The following CAMK1D variants were observed in gnomAD, a reference collection of about 807,000 sequenced individuals.
CAMK1D encodes the protein calcium/calmodulin dependent protein kinase ID.
In CAMK1D, 9 loss-of-function variants were observed where a neutral mutation model predicts 47.7. That is an observed-to-expected ratio of 0.19 (90% CI 0.11 to 0.33). CAMK1D has a LOEUF of 0.33. Among genes scored for constraint, CAMK1D ranks in the 10% least tolerant of loss-of-function variants. The pLI, the probability that CAMK1D is intolerant of heterozygous loss-of-function variation, is 1.00. For synonymous variants in CAMK1D, 184 were observed against 184.9 expected, an observed-to-expected ratio of 0.99 and a Z score of 0.04; for missense variants, 291 against 488.7, an observed-to-expected ratio of 0.60 and a Z score of 3.81.
intron 2 of CAMK1D, among the ~76,000 whole-genome samples, chr10:12,556,181 T>G (rs1836755699): frequency 6.6e-6 from 1 of 151,850 alleles, no homozygotes; most frequent in South Asian, 2.1e-4. Context: ...ACATATGGAG[T>G]AAGAGGCAGT....
At chr10:12,733,414 T>C (rs529533324) in intron 3 of CAMK1D, among the ~76,000 whole-genome samples, 1 of 152,358 alleles carries the variant, frequency 6.6e-6, no homozygotes, top group Admixed American at 6.5e-5. Flanking sequence ...CCCAGGTTTC[T>C]GGCTTCGTTG....
intron 1 of CAMK1D, among the ~76,000 whole-genome samples, chr10:12,509,537 A>G (rs1443333941): frequency 6.6e-6 from 1 of 152,244 alleles, no homozygotes; most frequent in African/African-American, 2.4e-5. Flanking sequence ...ACTTGAGCCC[A>G]GGAGTTCAAG....
intron 2 of CAMK1D, among the ~76,000 whole-genome samples, chr10:12,594,572 C>T (rs1564433900): frequency 1.3e-5 from 2 of 152,334 alleles, no homozygotes; most frequent in Non-Finnish European, 2.9e-5. Context: ...ATGGGCTCTA[C>T]GTTTCTGTCC....
intron 3 of CAMK1D, among the ~76,000 whole-genome samples, chr10:12,673,255 G>A (rs72771778): frequency 0.29 from 43,496 of 152,052 alleles, 6,921 homozygotes; most frequent in South Asian, 0.42. Flanking sequence ...GAGGACAATT[G>A]ACAGCTTAAA....
At chr10:12,374,682 C>A (rs1838121103) in intron 1 of CAMK1D, among the ~76,000 whole-genome samples, 1 of 152,160 alleles carries the variant, frequency 6.6e-6, no homozygotes, top group African/African-American at 2.4e-5. Flanking sequence ...TTGGCTCATG[C>A]CTGTAATCCC....
intron 2 of CAMK1D, among the ~76,000 whole-genome samples, chr10:12,585,651 A>G (rs1837794772): frequency 6.6e-6 from 1 of 152,194 alleles, no homozygotes; most frequent in South Asian, 2.1e-4. Flanking sequence ...TTATAAAACC[A>G]TTAGATCTCA....
chr10:12,424,034 C>T (rs974092716), intron 1 of CAMK1D, among the ~76,000 whole-genome samples: 37 of 152,200 alleles, frequency 2.4e-4, no homozygotes, highest in Admixed American at 1.6e-3. Context: ...TCTTCATCCA[C>T]GCCGTGCGGC....
At chr10:12,776,732 C>T (rs754401664) in intron 5 of CAMK1D, among the ~76,000 whole-genome samples, 2 of 152,184 alleles carry the variant, frequency 1.3e-5, no homozygotes, top group Non-Finnish European at 2.9e-5. Context: ...AGGCATATCA[C>T]GGCTTCTTTG....
intron 6 of CAMK1D, among the ~76,000 whole-genome samples, chr10:12,795,229 C>T (rs959592403): frequency 2.6e-5 from 4 of 152,132 alleles, no homozygotes; most frequent in African/African-American, 9.7e-5. Flanking sequence ...AGGACCAGAG[C>T]AGGGTGCCAT....
chr10:12,814,130 C>G (rs1020020100), intron 6 of CAMK1D, 65 bp from the exon 7 acceptor site: 6 of 1,055,814 alleles, frequency 5.7e-6, no homozygotes, highest in Admixed American at 3.6e-5. Context: ...TCCTTCCAGG[C>G]AAAGTGTACA....
chr10:12,659,489 A>T (rs984020696), intron 2 of CAMK1D, among the ~76,000 whole-genome samples: 5 of 152,192 alleles, frequency 3.3e-5, no homozygotes, highest in Admixed American at 2.0e-4. Context: ...CTGTTTATTA[A>T]AATGAAAGGT....
intron 1 of CAMK1D, among the ~76,000 whole-genome samples, chr10:12,422,443 G>C (rs572346769): frequency 6.6e-6 from 1 of 152,306 alleles, no homozygotes; most frequent in South Asian, 2.1e-4. Context: ...GCCCATGCCT[G>C]GGGCATTGCC....
chr10:12,659,664 AC>A (rs1387651280), intron 2 of CAMK1D, among the ~76,000 whole-genome samples: 1 of 152,158 alleles, frequency 6.6e-6, no homozygotes, highest in Non-Finnish European at 1.5e-5. Context: ...TTTCGAAAAA[AC>A]ATAAGCGTTT....
chr10:12,484,827 G>T (rs1221176626), intron 1 of CAMK1D, among the ~76,000 whole-genome samples: 1 of 151,986 alleles, frequency 6.6e-6, no homozygotes, highest in Non-Finnish European at 1.5e-5. Context: ...AGTGACTCTG[G>T]GGGGGAGGGG....
intron 2 of CAMK1D, among the ~76,000 whole-genome samples, chr10:12,615,960 G>A (rs1169396603): frequency 6.6e-6 from 1 of 151,160 alleles, no homozygotes; most frequent in Non-Finnish European, 1.5e-5. Context: ...GTGCGCATAG[G>A]TGTGTATGTG....
chr10:12,703,445 G>C (rs1010706632), intron 3 of CAMK1D, among the ~76,000 whole-genome samples: 1 of 152,194 alleles, frequency 6.6e-6, no homozygotes, highest in African/African-American at 2.4e-5. Flanking sequence ...TTGGCTCCTG[G>C]TGAACTAGGT....
chr10:12,653,627 T>C (rs1840040238), intron 2 of CAMK1D, among the ~76,000 whole-genome samples: 1 of 152,236 alleles, frequency 6.6e-6, no homozygotes, highest in Non-Finnish European at 1.5e-5. Flanking sequence ...TTTCCCAGAA[T>C]GATGAGGAAC....
intron 1 of CAMK1D, among the ~76,000 whole-genome samples, chr10:12,392,371 T>G (rs1041002925): frequency 6.6e-6 from 1 of 151,644 alleles, no homozygotes; most frequent in Non-Finnish European, 1.5e-5. Context: ...CCTCCTTCCC[T>G]CTCCCCCCAG....
chr10:12,483,371 T>C (rs994801833), intron 1 of CAMK1D, among the ~76,000 whole-genome samples: 1 of 152,032 alleles, frequency 6.6e-6, no homozygotes, highest in African/African-American at 2.4e-5. Context: ...TGGCTAACTT[T>C]TGCATTTTTT....
Sources: allele counts gnomAD v4.1 joint callset (sites outside exome capture counted in the v4.1 genomes callset), GRCh38; gene constraint gnomAD v4.1.1; transcripts MANE v1.5; gene names NCBI Gene and HGNC (gene_info 2026-07-23, HGNC 2026-07-21).